CAMK1D: variants seen among roughly 807,000 people sequenced by gnomAD.
CAMK1D encodes the protein calcium/calmodulin dependent protein kinase ID.
Under a neutral mutation model 47.7 loss-of-function variants are expected in CAMK1D, and 9 were observed. The observed-to-expected ratio is 0.19, with a 90% CI of 0.11 to 0.33. The LOEUF is 0.33. Ranked by LOEUF, CAMK1D falls within the 10% of genes least tolerant of loss-of-function variation. The pLI, the probability that CAMK1D is intolerant of heterozygous loss-of-function variation, is 1.00. For synonymous variants in CAMK1D, 184 were observed against 184.9 expected, an observed-to-expected ratio of 0.99 and a Z score of 0.04; for missense variants, 291 against 488.7, an observed-to-expected ratio of 0.60 and a Z score of 3.81.
chr10:12,801,302 T>TATCTATCC (rs1168707079), intron 6 of CAMK1D, among the ~76,000 whole-genome samples: 8 of 80,840 alleles, frequency 9.9e-5, no homozygotes, highest in African/African-American at 4.4e-4. Flanking sequence ...TGTGTGTATC[T>TATCTATCC]ATCTATCTAT....
chr10:12,821,530 G>C (rs1833010454), intron 8 of CAMK1D, among the ~76,000 whole-genome samples: 1 of 152,204 alleles, frequency 6.6e-6, no homozygotes, highest in African/African-American at 2.4e-5. Flanking sequence ...CGCAGACTCA[G>C]AGCCAGGAAG....
intron 3 of CAMK1D, among the ~76,000 whole-genome samples, chr10:12,678,100 T>A (rs1840873290): frequency 6.6e-6 from 1 of 152,140 alleles, no homozygotes; most frequent in African/African-American, 2.4e-5. Context: ...CAGTACATAA[T>A]CATGTTTTTC....
At chr10:12,584,655 A>G (rs576871329) in intron 2 of CAMK1D, among the ~76,000 whole-genome samples, 1 of 152,284 alleles carries the variant, frequency 6.6e-6, no homozygotes, top group African/African-American at 2.4e-5. Context: ...CCACAGCTCT[A>G]CAAAAAATAC....
chr10:12,408,779 G>A (rs1839542511), intron 1 of CAMK1D, among the ~76,000 whole-genome samples: 1 of 151,860 alleles, frequency 6.6e-6, no homozygotes, highest in Non-Finnish European at 1.5e-5. Flanking sequence ...TTCCCTGTAT[G>A]CCTCCTTGTC....
chr10:12,462,818 C>G (rs919505342), intron 1 of CAMK1D, among the ~76,000 whole-genome samples: 2 of 152,124 alleles, frequency 1.3e-5, no homozygotes, highest in Admixed American at 1.3e-4. Context: ...CAGCTCCTGC[C>G]CTGAGTAGCT....
intron 1 of CAMK1D, among the ~76,000 whole-genome samples, chr10:12,516,519 T>C (rs765507513): frequency 6.6e-6 from 1 of 152,250 alleles, no homozygotes; most frequent in Non-Finnish European, 1.5e-5. Context: ...GTGGGATTGC[T>C]GGGTCATATG....
intron 6 of CAMK1D, among the ~76,000 whole-genome samples, chr10:12,796,451 G>A (rs1459972427): frequency 6.6e-6 from 1 of 152,198 alleles, no homozygotes; most frequent in Non-Finnish European, 1.5e-5. Flanking sequence ...GAATGGAACA[G>A]GGAAGGCCTA....
chr10:12,509,815 T>A (rs1834988075), intron 1 of CAMK1D, among the ~76,000 whole-genome samples: 1 of 152,226 alleles, frequency 6.6e-6, no homozygotes, highest in Admixed American at 6.5e-5. Context: ...CCTGCCGTTC[T>A]ACATAATACA....
chr10:12,751,039 C>T (rs7897966), intron 3 of CAMK1D, among the ~76,000 whole-genome samples: 44,612 of 149,048 alleles, frequency 0.3, 8,091 homozygotes, highest in African/African-American at 0.51. Context: ...GGTGACGGAG[C>T]CCGTCTCCCC....
intron 2 of CAMK1D, among the ~76,000 whole-genome samples, chr10:12,593,885 A>G (rs893865950): frequency 6.6e-6 from 1 of 152,076 alleles, no homozygotes; most frequent in Non-Finnish European, 1.5e-5. Context: ...TTCTTCTCTC[A>G]TTAAAACATG....
chr10:12,350,426 A>G (rs1837320709), intron 1 of CAMK1D, among the ~76,000 whole-genome samples: 1 of 152,140 alleles, frequency 6.6e-6, no homozygotes, highest in Non-Finnish European at 1.5e-5. Context: ...CCACGCGAGG[A>G]TGGAAGGGAA....
intron 2 of CAMK1D, among the ~76,000 whole-genome samples, chr10:12,666,099 C>T (rs1176482785): frequency 2.0e-5 from 3 of 151,800 alleles, no homozygotes; most frequent in African/African-American, 7.3e-5. Context: ...GCTGGTGCTG[C>T]CTGTTTGAGA....
chr10:12,742,186 A>G (rs1272177539), intron 3 of CAMK1D, among the ~76,000 whole-genome samples: 1 of 152,222 alleles, frequency 6.6e-6, no homozygotes, highest in Non-Finnish European at 1.5e-5. Flanking sequence ...CCCAGGCTGG[A>G]GTGCAGTGGT....
chr10:12,622,348 G>A (rs1037789354), intron 2 of CAMK1D, among the ~76,000 whole-genome samples: 1 of 152,098 alleles, frequency 6.6e-6, no homozygotes, highest in South Asian at 2.1e-4. Context: ...TTTGTGGGGG[G>A]CTGTTTTTGG....
At chr10:12,502,113 G>A (rs568628543) in intron 1 of CAMK1D, among the ~76,000 whole-genome samples, 24 of 152,148 alleles carry the variant, frequency 1.6e-4, no homozygotes, top group Non-Finnish European at 1.9e-4. Context: ...CTGGTGGCAC[G>A]GTGAGGAGGA....
chr10:12,640,987 C>T (rs1258674006), intron 2 of CAMK1D, among the ~76,000 whole-genome samples: 1 of 152,060 alleles, frequency 6.6e-6, no homozygotes, highest in African/African-American at 2.4e-5. Context: ...GAGACAGAAT[C>T]CCACCTTGTT....
chr10:12,748,061 C>T (rs907068706), intron 3 of CAMK1D, among the ~76,000 whole-genome samples: 9 of 152,190 alleles, frequency 5.9e-5, no homozygotes, highest in Non-Finnish European at 2.9e-5. Flanking sequence ...TTAACCCTCA[C>T]GGCGCCAGTC....
intron 6 of CAMK1D, among the ~76,000 whole-genome samples, chr10:12,800,736 T>G (rs1418874598): frequency 6.6e-6 from 1 of 152,196 alleles, no homozygotes; most frequent in African/African-American, 2.4e-5. Flanking sequence ...CTTGAGCTGT[T>G]CTAGAATTGA....
rs150936203 is a variant in CAMK1D, at chr10:12,786,585, G to A, written c.566-4573G>A. Among the ~76,000 whole-genome samples, 81 of 152,210 alleles carry A rather than the reference G, an allele frequency of 5.3e-4. No individual in the cohort carries two copies. The East Asian group carries it at 8.5e-3, about 16-fold the overall frequency. On this transcript the variant is annotated intron_variant, in intron 5 of 10. Coordinates refer to ENST00000619168, the MANE Select transcript of CAMK1D (RefSeq NM_153498.4). Reference sequence around the variant, plus strand: ...TTTGTTTATTTATTTTAGAGACAGCGTCTCACTCTGTTGCCCAGGCTGGAG... The same window carrying A: ...TTTGTTTATTTATTTTAGAGACAGCATCTCACTCTGTTGCCCAGGCTGGAG...
Sources: gnomAD v4.1 joint callset for allele counts (sites outside exome capture counted in the v4.1 genomes callset) on GRCh38, gnomAD v4.1.1 for gene constraint, MANE v1.5 for transcripts, NCBI Gene and HGNC (gene_info 2026-07-23, HGNC 2026-07-21) for gene names.